ACTN1: variants seen among roughly 807,000 people sequenced by gnomAD.
ACTN1 encodes the protein actinin alpha 1, also known as alpha-actinin-1.
A neutral mutation model predicts 119.6 loss-of-function variants in ACTN1; 30 were observed. The observed-to-expected ratio is 0.25, with a 90% CI of 0.19 to 0.34. The LOEUF is 0.34. Ranked by LOEUF, ACTN1 falls within the 10% of genes least tolerant of loss-of-function variation. ACTN1 has a pLI of 1.00. For synonymous variants in ACTN1, 429 were observed against 472.6 expected (o/e 0.91, Z 1.20); for missense variants, 764 against 1,223.4 (o/e 0.62, Z 5.60).
intron 1 of ACTN1, among the ~76,000 whole-genome samples, chr14:68,971,713 A>G (rs1306264209): frequency 6.6e-6 from 1 of 152,208 alleles, no homozygotes; most frequent in African/African-American, 2.4e-5. Context: ...TAGGTCCCCC[A>G]GCCCTGACCT....
chr14:68,956,739 G>A (rs758038843), intron 1 of ACTN1, among the ~76,000 whole-genome samples: 9 of 152,044 alleles, frequency 5.9e-5, no homozygotes, highest in South Asian at 2.1e-4. Flanking sequence ...AATCCTCATC[G>A]CAAAGGAACC....
At chr14:68,887,495 C>A in intron 11 of ACTN1, 1 of 1,174,132 alleles carries the variant, frequency 8.5e-7, no homozygotes, top group Non-Finnish European at 1.1e-6. Context: ...AACTAACCCC[C>A]CCATCTATGG....
At position 68,879,081 on chromosome 14, in the gene ACTN1, G is replaced by A. The variant is rs1307985304; in HGVS notation, c.2281-12C>T. ...GTGCCGGAGTGATCCTGGGGCCGCG[G>A]TGCGCCAGGCAGCGAGCCATGCGGT... On this transcript the variant is annotated splice_polypyrimidine_tract_variant and intron_variant, in intron 18 of 21. Coordinates refer to ENST00000394419, the MANE Select transcript of ACTN1 (RefSeq NM_001130004.2). This position sits in a 1 kb window ranked among gnomAD's most constrained non-coding sequence, Gnocchi z 4.9. 1 of 1,602,336 alleles carries A rather than the reference G, an allele frequency of 6.2e-7. No homozygotes were observed. Among genetic ancestry groups the A allele is most frequent in the Middle Eastern group, 1.7e-4 (1 of 5,994 alleles).
chr14:68,900,811 C>G (rs939860102), intron 8 of ACTN1: 1 of 152,364 alleles, frequency 6.6e-6, no homozygotes, highest in Non-Finnish European at 1.5e-5. Context: ...CCAGGGAGGA[C>G]GGAAGAGATG....
In ACTN1 at chr14:68,884,929, C is replaced by G. The variant is rs370249884; in HGVS notation, c.1386-46G>C. 280 of 1,467,098 alleles carry G rather than the reference C, an allele frequency of 1.9e-4. No individual in the cohort carries two copies. The African/African-American group carries it at 3.4e-3, about 18-fold the overall frequency. 90.9% of individuals were successfully genotyped at this position (1,467,098 alleles called of 1,614,324 possible). ...GAAGTCAGGGGACCCAGGTTAATTT[C>G]ATGGCCCATCTCCCTCTCTCTGAGG... On this transcript the variant is annotated intron_variant, in intron 12 of 21. Coordinates refer to ENST00000394419, the MANE Select transcript of ACTN1 (RefSeq NM_001130004.2).
intron 1 of ACTN1, among the ~76,000 whole-genome samples, chr14:68,950,294 CAAAAAA>C (rs60899029): frequency 8.2e-6 from 1 of 121,524 alleles, no homozygotes; most frequent in Non-Finnish European, 1.8e-5. Flanking sequence ...GTTGTTGTCT[CAAAAAA>C]AAAAAAAAAA....
rs368697284 is a variant in ACTN1, at chr14:68,892,299, G to A, written c.856-16C>T. ...ACTCCAACAGCTAGGGTGGGAAGGC[G>A]GTGGGGGCAGGAGGTGAGGAGGCGG... On this transcript the variant is annotated splice_polypyrimidine_tract_variant and intron_variant, in intron 9 of 21. Coordinates refer to ENST00000394419, the MANE Select transcript of ACTN1 (RefSeq NM_001130004.2). 13 of 1,602,712 alleles carry A rather than the reference G, an allele frequency of 8.1e-6. No homozygotes were observed. Among genetic ancestry groups the A allele is most frequent in the African/African-American group, 2.7e-5 (2 of 74,836 alleles).
intron 21 of ACTN1, among the ~76,000 whole-genome samples, chr14:68,876,728 C>T (rs1187062575): frequency 1.3e-5 from 2 of 152,144 alleles, no homozygotes; most frequent in African/African-American, 4.8e-5. Context: ...CGTGCCGATG[C>T]GCGGGATGAG....
intron 1 of ACTN1, among the ~76,000 whole-genome samples, chr14:68,975,084 GT>G (rs2140708579): frequency 6.6e-6 from 1 of 152,320 alleles, no homozygotes; most frequent in African/African-American, 2.4e-5. Context: ...ACCTTGACTG[GT>G]GGCCTTGGCT....
intron 3 of ACTN1, among the ~76,000 whole-genome samples, chr14:68,913,604 A>G (rs1409337813): frequency 2.0e-5 from 3 of 152,218 alleles, no homozygotes; most frequent in African/African-American, 2.4e-5. Flanking sequence ...TTCCATGACC[A>G]GCCGGGTGTA....
rs188617548 is a variant in ACTN1 at position 68,960,535 on chromosome 14, A to T, written c.105+18417T>A. Among the ~76,000 whole-genome samples, 1,305 of 152,280 alleles carry T rather than the reference A, an allele frequency of 8.6e-3. 5 individuals are homozygous for T. The highest frequency in any genetic ancestry group is 0.051 in the Middle Eastern group (15 of 294). On this transcript the variant is annotated intron_variant, in intron 1 of 21. Transcript: ENST00000394419. ...TGGGGGAATTACATTAAAATTTCTTAAAAACTAACCTCTTTTAACATTGTT... is the reference window on the plus strand; with the variant it reads ...TGGGGGAATTACATTAAAATTTCTTTAAAACTAACCTCTTTTAACATTGTT...
intron 1 of ACTN1, among the ~76,000 whole-genome samples, chr14:68,943,771 TAAAGGAAC>T (rs2035842891): frequency 6.6e-6 from 1 of 152,050 alleles, no homozygotes; most frequent in African/African-American, 2.4e-5. Context: ...AATTCTAGGT[TAAAGGAAC>T]AAAGGAACAG....
At chr14:68,936,959 C>T in intron 1 of ACTN1, 1 of 467,826 alleles carries the variant, frequency 2.1e-6, no homozygotes, top group African/African-American at 2.0e-5. Context: ...GAAAAGATTG[C>T]TATTGTACTC....
intron 1 of ACTN1, chr14:68,977,939 C>A (rs992188908): frequency 8.8e-6 from 4 of 455,836 alleles, no homozygotes; most frequent in African/African-American, 6.0e-5. Flanking sequence ...CGCCTGGGGG[C>A]ACAGGCTCAC....
chr14:68,917,695 TG>T (rs1158330336), intron 3 of ACTN1, among the ~76,000 whole-genome samples: 1 of 152,192 alleles, frequency 6.6e-6, no homozygotes, highest in Non-Finnish European at 1.5e-5. Context: ...TGGGAGTGGA[TG>T]ATTTCACTCC....
At chr14:68,958,367 C>T (rs1037306981) in intron 1 of ACTN1, among the ~76,000 whole-genome samples, 4 of 152,136 alleles carry the variant, frequency 2.6e-5, no homozygotes, top group Admixed American at 6.5e-5. Flanking sequence ...TGACAAGAGA[C>T]GAGTTCACTG....
chr14:68,898,478 G>A (rs1294264120), intron 8 of ACTN1, among the ~76,000 whole-genome samples: 7 of 152,192 alleles, frequency 4.6e-5, no homozygotes. Flanking sequence ...CACCATACAA[G>A]GTTGGGCGAC....
intron 2 of ACTN1, chr14:68,921,340 T>A (rs1026837004): frequency 2.0e-6 from 1 of 494,684 alleles, no homozygotes; most frequent in Middle Eastern, 5.7e-4. Flanking sequence ...TTCTTTCTTC[T>A]GCTTCTCAGG....
chr14:68,947,948 C>T (rs2035994361), intron 1 of ACTN1, among the ~76,000 whole-genome samples: 1 of 152,230 alleles, frequency 6.6e-6, no homozygotes, highest in Non-Finnish European at 1.5e-5. Flanking sequence ...GCCCTCATCA[C>T]ACACGCACAT....
Sources: gnomAD v4.1 joint callset for allele counts (sites outside exome capture counted in the v4.1 genomes callset) on GRCh38, gnomAD v4.1.1 for gene constraint, Gnocchi (gnomAD v3.1) non-coding constraint, MANE v1.5 for transcripts, NCBI Gene and HGNC (gene_info 2026-07-23, HGNC 2026-07-21) for gene names.